SERAC1: variants seen among roughly 807,000 people sequenced by gnomAD.
SERAC1 encodes protein SERAC1.
Under a neutral mutation model 85.7 loss-of-function variants are expected in SERAC1, and 36 were observed. That is an observed-to-expected ratio of 0.42 (90% CI 0.32 to 0.55). SERAC1 has a LOEUF of 0.55. Among genes scored for constraint, SERAC1 ranks in the 20% least tolerant of loss-of-function variants. The pLI is 0.11. For missense variants in SERAC1, 629 were observed against 796.2 expected, an observed-to-expected ratio of 0.79 and a Z score of 2.53; for synonymous variants, 242 against 265.3, an observed-to-expected ratio of 0.91 and a Z score of 0.85.
chr6:158,135,617 TA>T (rs34155537), intron 8 of SERAC1, among the ~76,000 whole-genome samples: 24,244 of 152,196 alleles, frequency 0.16, 2,364 homozygotes, highest in Middle Eastern at 0.3. Context: ...ATACCAATAT[TA>T]AATTTTCTGA....
chr6:158,167,028 G>C (rs1785613871), intron 1 of SERAC1, among the ~76,000 whole-genome samples: 1 of 151,814 alleles, frequency 6.6e-6, no homozygotes, highest in South Asian at 2.1e-4. Context: ...ATGAGATCAA[G>C]GAAGAGAATG....
At chr6:158,164,873 A>T (rs1785562875) in intron 1 of SERAC1, among the ~76,000 whole-genome samples, 1 of 152,178 alleles carries the variant, frequency 6.6e-6, no homozygotes. Flanking sequence ...AATTTCTGAA[A>T]AGTGTCCTTA....
At chr6:158,129,131 T>G (rs1407594264) in intron 9 of SERAC1, among the ~76,000 whole-genome samples, 1 of 152,224 alleles carries the variant, frequency 6.6e-6, no homozygotes, top group East Asian at 1.9e-4. Context: ...GAAAGATAAC[T>G]ATTATATTCC....
At chr6:158,143,576 C>T (rs1017554370) in intron 7 of SERAC1, among the ~76,000 whole-genome samples, 1 of 152,074 alleles carries the variant, frequency 6.6e-6, no homozygotes, top group African/African-American at 2.4e-5. Context: ...GACATCTTGA[C>T]ATTCTCAACA....
intron 8 of SERAC1, among the ~76,000 whole-genome samples, chr6:158,140,546 T>C (rs1175732884): frequency 1.3e-5 from 2 of 152,318 alleles, no homozygotes; most frequent in South Asian, 2.1e-4. Context: ...ATATCCTTTA[T>C]AATAAACGGT....
At position 158,147,768 on chromosome 6, in the gene SERAC1, C is replaced by CAAA. The variant is rs71027383; in HGVS notation, c.356-858_356-856dup. Among the ~76,000 whole-genome samples, 394 of 68,910 alleles carry CAAA rather than the reference C, an allele frequency of 5.7e-3. 23 individuals are homozygous for CAAA. Among genetic ancestry groups the CAAA allele is most frequent in the African/African-American group, 0.013 (182 of 14,426 alleles). The allele number at this position is 68,910 out of a possible 152,430, so 45.2% of individuals were successfully genotyped here. A position where few individuals can be genotyped will look rare whatever the true frequency, so the allele number is the denominator to read the frequency against. ...CTGGGTGACAGAGAAGGCTCTGTCT[C>CAAA]AAAAAAAAAAAAAAAAAAAAAAAAA... On this transcript the variant is annotated intron_variant, in intron 5 of 16. Transcript: ENST00000647468.
At position 158,162,303 on chromosome 6, in the gene SERAC1, T is replaced by C. The variant is rs1785506576; in HGVS notation, c.-1-3939A>G. ...GTTACAAATATCACATGAGTTAATA[T>C]ATGTAAAACACACAGAATAGTGCCT... is the stretch of plus-strand genomic sequence containing the variant. On this transcript the variant is annotated intron_variant, in intron 1 of 16. Coordinates refer to ENST00000647468, the MANE Select transcript of SERAC1 (RefSeq NM_032861.4). Among the ~76,000 whole-genome samples the C allele has an allele frequency of 2.0e-5, 3 of 152,236 alleles. No homozygotes were observed. The South Asian group carries it at 6.2e-4, about 31-fold the overall frequency.
chr6:158,156,855 A>G (rs1038562524), intron 2 of SERAC1, among the ~76,000 whole-genome samples: 29 of 84,248 alleles, frequency 3.4e-4, no homozygotes, highest in Non-Finnish European at 6.1e-4. Context: ...TTTTATATAT[A>G]ATAAATATTA....
intron 5 of SERAC1, 34 bp downstream of exon 5, chr6:158,148,831 G>C (rs1481375323): frequency 1.4e-6 from 2 of 1,419,430 alleles, no homozygotes; most frequent in South Asian, 2.5e-5. Context: ...TCAGATTACT[G>C]ATAAGGATTC....
chr6:158,155,740 A>G (rs1282470226), intron 2 of SERAC1, among the ~76,000 whole-genome samples: 1 of 152,234 alleles, frequency 6.6e-6, no homozygotes, highest in Non-Finnish European at 1.5e-5. Flanking sequence ...CCCTATCACT[A>G]CTAGGACTAT....
Position 158,168,254 on chromosome 6 carries a change from C to G in SERAC1, c.-116G>C, listed in dbSNP as rs909286715. 3.9e-5 allele frequency: 6 copies of G among 152,360 alleles called. No individual in the cohort carries two copies. The highest frequency in any genetic ancestry group is 1.2e-4 in the African/African-American group (5 of 41,440). 9.4% of individuals were successfully genotyped at this position (152,360 alleles called of 1,614,324 possible). ...ACCCTCCACCCGGCGGCTGGCGGCT[C>G]GTGACCCCGCCCCCTCGGCCCGCTC... On this transcript the variant is annotated 5_prime_UTR_variant, in exon 1 of 17. Coordinates refer to ENST00000647468, the MANE Select transcript of SERAC1 (RefSeq NM_032861.4).
At chr6:158,138,290 C>G (rs973928275) in intron 8 of SERAC1, among the ~76,000 whole-genome samples, 3 of 151,984 alleles carry the variant, frequency 2.0e-5, no homozygotes, top group African/African-American at 7.3e-5. Context: ...AAAAAATTAG[C>G]CTAGTGTGGT....
intron 3 of SERAC1, among the ~76,000 whole-genome samples, chr6:158,154,598 G>C (rs1442744767): frequency 6.6e-6 from 1 of 152,044 alleles, no homozygotes; most frequent in Non-Finnish European, 1.5e-5. Context: ...AAAAGTAAAA[G>C]AGTATGAAAA....
rs761224736 is a variant in SERAC1, at chr6:158,113,452, C to T, written c.1825G>A (p.Ala609Thr). 2.9e-5 allele frequency: 46 copies of T among 1,610,756 alleles called. No homozygotes were observed. Among genetic ancestry groups the T allele is most frequent in the Non-Finnish European group, 3.4e-5 (40 of 1,177,780 alleles). ...CAAGTTTCAAAAGAGTGAATACCTG[C>T]TGATTCCACAGGTACCACATGGAGC... is the stretch of plus-strand genomic sequence containing the variant. ...IKLHVVPVESADLGIGDLIPV... is the reference protein window; with the variant it reads ...IKLHVVPVESTDLGIGDLIPV... The change falls in exon 16 of 17, where the codon GCA becomes ACA. Residue 609 changes from alanine (A) to threonine (T), a missense_variant. Transcript: ENST00000647468.
chr6:158,147,203 A>G (rs1444324195), intron 5 of SERAC1, among the ~76,000 whole-genome samples: 1 of 151,868 alleles, frequency 6.6e-6, no homozygotes, highest in Non-Finnish European at 1.5e-5. Flanking sequence ...CAGTGACACA[A>G]TCGTGGCTCA....
rs1262616967 is a variant in SERAC1 at position 158,159,691 on chromosome 6, C to T, written c.-1-1327G>A. On this transcript the variant is annotated intron_variant, in intron 1 of 16. Coordinates refer to ENST00000647468, the MANE Select transcript of SERAC1 (RefSeq NM_032861.4). ...CCAGGCTGGAGTGCAATGGTGCAAT[C>T]ACCACCCACTGCAACCTCTGCCTCT... 2.7e-5 allele frequency among the ~76,000 whole-genome samples: 4 copies of T among 149,534 alleles called. No individual in the cohort carries two copies. The East Asian group carries it at 5.9e-4, about 22-fold the overall frequency.
At chr6:158,140,820 T>G (rs1343642434) in intron 8 of SERAC1, among the ~76,000 whole-genome samples, 1 of 152,170 alleles carries the variant, frequency 6.6e-6, no homozygotes, top group Non-Finnish European at 1.5e-5. Flanking sequence ...GATGGAGAAT[T>G]GCTGAGTGTG....
At chr6:158,159,678 G>A (rs1351366859) in intron 1 of SERAC1, among the ~76,000 whole-genome samples, 1 of 148,436 alleles carries the variant, frequency 6.7e-6, no homozygotes, top group Admixed American at 6.8e-5. Flanking sequence ...AGGCTGGAGT[G>A]CAATGGTGCA....
At chr6:158,136,053 G>A (rs529390300) in intron 8 of SERAC1, among the ~76,000 whole-genome samples, 14 of 152,214 alleles carry the variant, frequency 9.2e-5, no homozygotes, top group Admixed American at 3.3e-4. Flanking sequence ...CTCATGATCC[G>A]CCTGCCTCGG....
Sources: allele counts gnomAD v4.1 joint callset (sites outside exome capture counted in the v4.1 genomes callset), GRCh38; gene constraint gnomAD v4.1.1; transcripts MANE v1.5; gene names NCBI Gene and HGNC (gene_info 2026-07-23, HGNC 2026-07-21).